The following KCNT2 variants were observed in gnomAD, a reference collection of about 807,000 sequenced individuals.
KCNT2 encodes potassium channel subfamily T member 2.
In KCNT2, 67 loss-of-function variants were observed where a neutral mutation model predicts 153.8. The observed-to-expected ratio is 0.44, with a 90% confidence interval of 0.36 to 0.53. The LOEUF is 0.53. Among genes scored for constraint, KCNT2 ranks in the 20% least tolerant of loss-of-function variants. KCNT2 has a pLI of 0.00. For missense variants in KCNT2, 975 were observed against 1,354.8 expected (o/e 0.72, Z 4.40); for synonymous variants, 500 against 458.8 (o/e 1.09, Z -1.15).
chr1:196,362,468 G>C (rs909611593), intron 14 of KCNT2, among the ~76,000 whole-genome samples: 1 of 152,096 alleles, frequency 6.6e-6, no homozygotes. Context: ...CTAATGGTCA[G>C]AGAAACATTG....
rs550993884 is a variant in KCNT2 at position 196,416,379 on chromosome 1, C to T, written c.1185+6671G>A. ...CCAAGATCTATAGTAAGACCGAATA[C>T]TCTATCCATGAAATTGTGAAGAAGA... On this transcript the variant is annotated intron_variant, in intron 12 of 27. Coordinates refer to ENST00000294725, the MANE Select transcript of KCNT2 (RefSeq NM_198503.5). Among the ~76,000 whole-genome samples the T allele has an allele frequency of 2.6e-5, 4 of 152,142 alleles. No individual in the cohort carries two copies. The South Asian group carries it at 8.3e-4, about 32-fold the overall frequency.
rs77157282 is a variant in KCNT2 at position 196,247,967 on chromosome 1, G to A, written c.3211+10227C>T. 3.3e-5 allele frequency among the ~76,000 whole-genome samples: 5 copies of A among 151,908 alleles called. No homozygotes were observed. In the East Asian group the frequency reaches 9.7e-4, roughly 29 times the overall value. ...AGCAAGTATATTCTCTGACCACAAA[G>A]GAATAAAACTACAAATCAACAAGAG... is the stretch of plus-strand genomic sequence containing the variant. On this transcript the variant is annotated intron_variant, in intron 26 of 27. Coordinates refer to ENST00000294725, the MANE Select transcript of KCNT2 (RefSeq NM_198503.5).
chr1:196,512,594 A>T (rs192652378), intron 1 of KCNT2, among the ~76,000 whole-genome samples: 1 of 152,176 alleles, frequency 6.6e-6, no homozygotes, highest in Non-Finnish European at 1.5e-5. Flanking sequence ...TTCTTCAAGT[A>T]GTAAAAATGT....
chr1:196,326,947 G>GAAAATTTAAGCTATAGGAAAATGT, intron 18 of KCNT2, 58 bp from the exon 19 acceptor site: 1 of 925,240 alleles, frequency 1.1e-6, no homozygotes, highest in East Asian at 2.8e-5. Flanking sequence ...AAAATTTGGA[G>GAAAATTTAAGCTATAGGAAAATGT]AAAATTTAAG....
intron 7 of KCNT2, 87 bp from the exon 8 acceptor site, chr1:196,465,474 G>A: frequency 2.6e-6 from 2 of 767,796 alleles, no homozygotes; most frequent in East Asian, 2.5e-5. Flanking sequence ...TACATTTCAT[G>A]TCAACTCTCC....
chr1:196,527,374 G>A (rs1422239028), intron 1 of KCNT2, among the ~76,000 whole-genome samples: 1 of 152,076 alleles, frequency 6.6e-6, no homozygotes, highest in African/African-American at 2.4e-5. Context: ...TTGAAGCACA[G>A]ACATAAAAAT....
chr1:196,546,143 G>A (rs1318344743), intron 1 of KCNT2, among the ~76,000 whole-genome samples: 3 of 152,160 alleles, frequency 2.0e-5, no homozygotes, highest in African/African-American at 7.2e-5. Context: ...ACAATTTTAT[G>A]AGAGTTGTAA....
intron 1 of KCNT2, among the ~76,000 whole-genome samples, chr1:196,593,295 A>ATAT (rs369191349): frequency 5.3e-4 from 68 of 128,816 alleles, no homozygotes; most frequent in Non-Finnish European, 8.5e-4. Context: ...TCATATATAT[A>ATAT]ATATATATAT....
chr1:196,387,484 C>A (rs952447379), intron 13 of KCNT2, among the ~76,000 whole-genome samples: 4 of 152,020 alleles, frequency 2.6e-5, no homozygotes, highest in Admixed American at 6.6e-5. Context: ...TTGATGCCTG[C>A]ATTTTTTTCC....
intron 13 of KCNT2, among the ~76,000 whole-genome samples, chr1:196,386,255 T>C (rs1258783721): frequency 3.3e-5 from 5 of 152,172 alleles, no homozygotes; most frequent in African/African-American, 1.2e-4. Context: ...TACATCTTCA[T>C]TGTAACATCA....
intron 1 of KCNT2, among the ~76,000 whole-genome samples, chr1:196,502,210 G>A (rs773114935): frequency 3.3e-5 from 5 of 152,120 alleles, no homozygotes; most frequent in Non-Finnish European, 7.4e-5. Flanking sequence ...ACAGAGAAAC[G>A]CAATTTAAAT....
intron 1 of KCNT2, among the ~76,000 whole-genome samples, chr1:196,595,612 G>A (rs1663961846): frequency 6.6e-6 from 1 of 152,078 alleles, no homozygotes; most frequent in Non-Finnish European, 1.5e-5. Context: ...ATAATAACTA[G>A]TACAATGTAA....
intron 1 of KCNT2, among the ~76,000 whole-genome samples, chr1:196,587,656 T>C (rs1261224521): frequency 6.6e-6 from 1 of 152,108 alleles, no homozygotes; most frequent in African/African-American, 2.4e-5. Flanking sequence ...CATATTTTTA[T>C]GTAAGTACTC....
At chr1:196,531,559 C>T (rs1313127460) in intron 1 of KCNT2, among the ~76,000 whole-genome samples, 1 of 152,180 alleles carries the variant, frequency 6.6e-6, no homozygotes, top group East Asian at 1.9e-4. Context: ...CAAAGCTTCT[C>T]CATATTTTGG....
chr1:196,321,259 A>C (rs1334589979), intron 19 of KCNT2, among the ~76,000 whole-genome samples: 1 of 151,774 alleles, frequency 6.6e-6, no homozygotes, highest in African/African-American at 2.4e-5. Flanking sequence ...CTGTCTTGTA[A>C]TTGGAGAAGC....
chr1:196,588,024 A>T (rs1485358355), intron 1 of KCNT2, among the ~76,000 whole-genome samples: 1 of 152,086 alleles, frequency 6.6e-6, no homozygotes, highest in Admixed American at 6.6e-5. Context: ...TACAATAATC[A>T]TAATCAATAC....
chr1:196,286,156 A>C (rs559565124), intron 22 of KCNT2, among the ~76,000 whole-genome samples: 1 of 152,130 alleles, frequency 6.6e-6, no homozygotes, highest in Non-Finnish European at 1.5e-5. Context: ...GAACAAAAAA[A>C]TAGGGAGGTA....
At position 196,285,894 on chromosome 1, in the gene KCNT2, G is replaced by A. The variant is rs1659606829; in HGVS notation, c.2596-136C>T. 9 of 599,006 alleles carry A rather than the reference G, an allele frequency of 1.5e-5. No individual in the cohort carries two copies. In the South Asian group the frequency reaches 1.5e-4, roughly 10 times the overall value. The allele number at this position is 599,006 out of a possible 1,614,324, so 37.1% of individuals were successfully genotyped here. On this transcript the variant is annotated intron_variant, in intron 22 of 27. Coordinates refer to ENST00000294725, the MANE Select transcript of KCNT2 (RefSeq NM_198503.5). ...GCTATAAATGTGTCATTACTTCACT[G>A]ATAATCATATTTTTTAAACTGCCCT...
At chr1:196,430,012 T>G (rs1308837441) in intron 8 of KCNT2, among the ~76,000 whole-genome samples, 2 of 152,064 alleles carry the variant, frequency 1.3e-5, no homozygotes, top group Non-Finnish European at 2.9e-5. Context: ...ACATGCAAAA[T>G]GAACAGATAA....
Sources: allele counts gnomAD v4.1 joint callset (sites outside exome capture counted in the v4.1 genomes callset), GRCh38; gene constraint gnomAD v4.1.1; transcripts MANE v1.5; gene names NCBI Gene and HGNC (gene_info 2026-07-23, HGNC 2026-07-21).